WWC1: variants seen among roughly 807,000 people sequenced by gnomAD.
The protein encoded by WWC1 is WW and C2 domain containing 1.
In WWC1, 55 loss-of-function variants were observed where a neutral mutation model predicts 138.4. That is an observed-to-expected ratio of 0.40 (90% CI 0.32 to 0.50). The LOEUF (loss-of-function observed/expected upper bound fraction) is 0.50, where lower values mean the gene tolerates loss of function less well. WWC1 is among the 20% of genes least tolerant of loss of function. WWC1 has a pLI of 0.72. For synonymous variants in WWC1, 524 were observed against 564.9 expected, an observed-to-expected ratio of 0.93 and a Z score of 1.03; for missense variants, 1,226 against 1,420.4, an observed-to-expected ratio of 0.86 and a Z score of 2.20.
intron 16 of WWC1, among the ~76,000 whole-genome samples, chr5:168,442,330 C>T (rs944236331): frequency 2.7e-5 from 4 of 150,492 alleles, no homozygotes; most frequent in African/African-American, 4.9e-5. Flanking sequence ...AGGATGGGCA[C>T]GGAGCCTCAT....
intron 1 of WWC1, among the ~76,000 whole-genome samples, chr5:168,330,703 A>C (rs536701476): frequency 8.5e-5 from 13 of 152,254 alleles, no homozygotes; most frequent in African/African-American, 3.1e-4. Context: ...AAGAAAAGGA[A>C]CATAAAGCAG....
chr5:168,374,492 C>G (rs1777022294), intron 2 of WWC1, among the ~76,000 whole-genome samples: 1 of 152,086 alleles, frequency 6.6e-6, no homozygotes, highest in African/African-American at 2.4e-5. Flanking sequence ...AGAAGAACTC[C>G]AAGGTGTGAT....
chr5:168,445,502 C>T (rs1755168739), intron 17 of WWC1, among the ~76,000 whole-genome samples: 1 of 151,752 alleles, frequency 6.6e-6, no homozygotes. Flanking sequence ...GAGTTCGAGA[C>T]CAGCCTGGCC....
chr5:168,369,585 A>G (rs985087678), intron 1 of WWC1, among the ~76,000 whole-genome samples: 16 of 152,168 alleles, frequency 1.1e-4, no homozygotes, highest in African/African-American at 3.6e-4. Flanking sequence ...CACATAGTGT[A>G]TTGCACATCA....
intron 14 of WWC1, among the ~76,000 whole-genome samples, chr5:168,430,763 T>C (rs1781874130): frequency 6.6e-6 from 1 of 152,208 alleles, no homozygotes. Context: ...TTATCCTTTA[T>C]TGCACTCATC....
intron 3 of WWC1, 121 bp downstream of exon 3, chr5:168,385,535 C>T (rs1777979321): frequency 4.9e-6 from 5 of 1,015,792 alleles, no homozygotes; most frequent in Non-Finnish European, 5.7e-6. Context: ...TTGTCCAAAC[C>T]ACCATCTTGT....
Position 168,460,669 on chromosome 5 carries a change from A to G in WWC1, c.2843A>G (p.Asp948Gly). Residue 948 changes from aspartate (D) to glycine (G), a missense_variant, in exon 20 of 23, where the codon GAC (aspartate) becomes GGC (glycine). By Grantham distance (94) the Asp-to-Gly change is moderately conservative. Transcript: ENST00000265293. ...YVCRLNRSDS[D>G]SSTLSKKPPF... ...TTGCAGCTGAATCGGAGTGATAGTGACAGCTCCACTCTGTCCAAAAAGCCA... is the reference window on the plus strand; with the variant it reads ...TTGCAGCTGAATCGGAGTGATAGTGGCAGCTCCACTCTGTCCAAAAAGCCA... The G allele has an allele frequency of 6.2e-7, 1 of 1,614,088 alleles. No homozygotes were observed.
intron 10 of WWC1, among the ~76,000 whole-genome samples, chr5:168,423,161 A>AAAAAAC (rs1554108973): frequency 9.0e-4 from 126 of 140,188 alleles, no homozygotes; most frequent in South Asian, 2.2e-3. Context: ...AAAAAAAAAA[A>AAAAAAC]AAAAAAAAAA....
At chr5:168,359,597 G>A (rs1195056399) in intron 1 of WWC1, among the ~76,000 whole-genome samples, 1 of 152,112 alleles carries the variant, frequency 6.6e-6, no homozygotes, top group Admixed American at 6.6e-5. Flanking sequence ...GGGAAATTGT[G>A]CCAATTAAAC....
chr5:168,294,672 G>A (rs1455942511), intron 1 of WWC1, among the ~76,000 whole-genome samples: 1 of 152,098 alleles, frequency 6.6e-6, no homozygotes, highest in Non-Finnish European at 1.5e-5. Flanking sequence ...TGTCGCCCAG[G>A]CTGGAGTCCA....
intron 20 of WWC1, among the ~76,000 whole-genome samples, chr5:168,461,049 C>T (rs1188238936): frequency 9.2e-5 from 14 of 152,206 alleles, no homozygotes; most frequent in Non-Finnish European, 1.5e-5. Context: ...ACCAACCCAG[C>T]CGGGCCCCGT....
At chr5:168,322,661 G>A (rs1183091104) in intron 1 of WWC1, among the ~76,000 whole-genome samples, 1 of 152,180 alleles carries the variant, frequency 6.6e-6, no homozygotes, top group Non-Finnish European at 1.5e-5. Context: ...AATAATAACA[G>A]TGGCTTCAAG....
At chr5:168,346,870 C>T (rs1774518817) in intron 1 of WWC1, among the ~76,000 whole-genome samples, 6 of 152,088 alleles carry the variant, frequency 3.9e-5, no homozygotes, top group Admixed American at 2.6e-4. Flanking sequence ...CACTGTGTTT[C>T]GACCTGTTTC....
At chr5:168,449,212 T>C (rs1297910169) in intron 17 of WWC1, among the ~76,000 whole-genome samples, 1 of 152,178 alleles carries the variant, frequency 6.6e-6, no homozygotes, top group African/African-American at 2.4e-5. Context: ...TAATTATTTT[T>C]CTCTTTACAA....
chr5:168,306,531 G>A (rs1271445587), intron 1 of WWC1, among the ~76,000 whole-genome samples: 1 of 152,184 alleles, frequency 6.6e-6, no homozygotes, highest in Non-Finnish European at 1.5e-5. Flanking sequence ...TTGCCATAAT[G>A]TGAAAATCTT....
intron 1 of WWC1, among the ~76,000 whole-genome samples, chr5:168,326,702 G>A (rs1256778440): frequency 1.3e-5 from 2 of 151,490 alleles, no homozygotes; most frequent in East Asian, 3.9e-4. Flanking sequence ...GCGCCACCAT[G>A]CTAATTTTTG....
rs191095850 is a variant in WWC1, at chr5:168,377,263, A to G, written c.229+5730A>G. On this transcript the variant is annotated intron_variant, in intron 2 of 22. Transcript: ENST00000265293. ...TAAAACTGGACCCCTACCTTTTACC[A>G]TATACAAAAGTTAACTCAAAATGGA... is the stretch of plus-strand genomic sequence containing the variant. Among the ~76,000 whole-genome samples, 55 of 152,324 alleles carry G rather than the reference A, an allele frequency of 3.6e-4. 1 individual carries two copies. In the East Asian group the frequency reaches 0.01, roughly 29 times the overall value.
chr5:168,396,946 A>G (rs1453071505), intron 3 of WWC1, among the ~76,000 whole-genome samples: 3 of 149,796 alleles, frequency 2.0e-5, no homozygotes, highest in Non-Finnish European at 4.4e-5. Context: ...AGTACAATCA[A>G]CAATACTTTT....
intron 1 of WWC1, among the ~76,000 whole-genome samples, chr5:168,321,105 A>G (rs948981653): frequency 2.0e-5 from 3 of 152,096 alleles, no homozygotes; most frequent in African/African-American, 7.2e-5. Flanking sequence ...CCTGAGTCTC[A>G]GCACTTGGGC....
Sources: allele counts gnomAD v4.1 joint callset (sites outside exome capture counted in the v4.1 genomes callset), GRCh38; gene constraint gnomAD v4.1.1; transcripts MANE v1.5; gene names NCBI Gene and HGNC (gene_info 2026-07-23, HGNC 2026-07-21).